FAM171A1: variants seen among roughly 807,000 people sequenced by gnomAD.
FAM171A1 encodes protein FAM171A1.
FAM171A1 carries 23 observed loss-of-function variants against 74.9 expected under a neutral mutation model. The observed-to-expected ratio is 0.31, with a 90% CI of 0.22 to 0.44. FAM171A1 has a LOEUF of 0.44. Among genes scored for constraint, FAM171A1 ranks in the 20% least tolerant of loss-of-function variants. The pLI, the probability that FAM171A1 is intolerant of heterozygous loss-of-function variation, is 1.00. For synonymous variants in FAM171A1, 527 were observed against 505.7 expected (o/e 1.04, Z -0.57); for missense variants, 1,162 against 1,159.2 (o/e 1.00, Z -0.03).
At position 15,254,774 on chromosome 10, in the gene FAM171A1, G is replaced by A. The variant is rs762606953; in HGVS notation, c.524C>T (p.Pro175Leu). ...LTAFLTAASS[P>L]SEVDSFPYLR... ...ATAAGGAAAACTGTCCACCTCCGAA[G>A]GGGAGCTGGCGGCCGTGAGAAACGC... Residue 175 changes from proline (P) to leucine (L), a missense_variant, in exon 4 of 8, where the codon CCT becomes CTT. Transcript: ENST00000378116. The A allele has an allele frequency of 3.1e-6, 5 of 1,614,174 alleles. No homozygotes were observed. In the South Asian group the frequency reaches 5.5e-5, roughly 18 times the overall value.
In FAM171A1 at chr10:15,214,100, A is replaced by G; in HGVS notation, c.1488T>C (p.Pro496=). The change falls in exon 8 of 8, where the codon CCT becomes CCC. Residue 496 remains proline, a synonymous_variant. Coordinates refer to ENST00000378116, the MANE Select transcript of FAM171A1 (RefSeq NM_001010924.2). ...RGSYNTVLSQ[P]LFEKQDREGP... The stretch of plus-strand genomic sequence containing the variant: ...CTTCTCTGTCCTGCTTTTCAAATAA[A>G]GGCTGTGAGAGCACGGTGTTGTAAC... The G allele has an allele frequency of 6.2e-7, 1 of 1,614,152 alleles. No homozygotes were observed. The highest frequency in any genetic ancestry group is 8.5e-7 in the Non-Finnish European group (1 of 1,180,010).
At position 15,213,289 on chromosome 10, in the gene FAM171A1, G is replaced by A; in HGVS notation, c.2299C>T (p.Pro767Ser). The change falls in exon 8 of 8, where the codon CCG becomes TCG. Residue 767 changes from proline to serine, a missense_variant. Transcript: ENST00000378116. This position sits in a 1 kb window ranked among gnomAD's most constrained non-coding sequence, Gnocchi z 6.8. ...TTCTGCTGGTGCTCTTGGACGGGCG[G>A]GTAGTTCTGCTGCAGAGACAAAGCA... ...GDALSLQQNY[P>S]PVQEHQQKEP... 2.5e-6 allele frequency: 4 copies of A among 1,614,080 alleles called. No individual in the cohort carries two copies. Among genetic ancestry groups the A allele is most frequent in the Non-Finnish European group, 3.4e-6 (4 of 1,180,022 alleles).
At chr10:15,364,681 C>T (rs925200683) in intron 1 of FAM171A1, among the ~76,000 whole-genome samples, 1 of 152,202 alleles carries the variant, frequency 6.6e-6, no homozygotes, top group Non-Finnish European at 1.5e-5. Flanking sequence ...TGGGCTAAAG[C>T]CAAGATGTCA....
At chr10:15,308,137 C>T (rs1835319289) in intron 1 of FAM171A1, among the ~76,000 whole-genome samples, 1 of 152,146 alleles carries the variant, frequency 6.6e-6, no homozygotes, top group South Asian at 2.1e-4. Flanking sequence ...AAGTGTTAAA[C>T]AATGTTGTCA....
chr10:15,295,089 TTTTA>T (rs1835145171), intron 1 of FAM171A1, among the ~76,000 whole-genome samples: 1 of 152,114 alleles, frequency 6.6e-6, no homozygotes, highest in African/African-American at 2.4e-5. Flanking sequence ...CTAACTTATT[TTTTA>T]TTTATTTTTA....
rs575964777 is a variant in FAM171A1, at chr10:15,233,484, T to C, written c.755-12424A>G. ...AGCCAGACACTTCTGTGGAAGCTTC[T>C]AGTGAAGGACATTCTGCACATGCCG... On this transcript the variant is annotated intron_variant, in intron 5 of 7. Transcript: ENST00000378116. 3.5e-3 allele frequency among the ~76,000 whole-genome samples: 527 copies of C among 151,552 alleles called. 1 individual carries two copies. Among genetic ancestry groups the C allele is most frequent in the Non-Finnish European group, 5.5e-3 (374 of 67,884 alleles).
intron 3 of FAM171A1, among the ~76,000 whole-genome samples, chr10:15,259,427 A>C (rs1834627225): frequency 6.6e-6 from 1 of 152,156 alleles, no homozygotes; most frequent in South Asian, 2.1e-4. Flanking sequence ...GATCTCTCCC[A>C]CTTACCAAAT....
At chr10:15,268,005 A>G (rs886489362) in intron 3 of FAM171A1, among the ~76,000 whole-genome samples, 2 of 152,180 alleles carry the variant, frequency 1.3e-5, no homozygotes, top group African/African-American at 4.8e-5. Context: ...AGAAGACAAG[A>G]GGCCGACAGT....
At chr10:15,263,535 A>C (rs1385781192) in intron 3 of FAM171A1, among the ~76,000 whole-genome samples, 1 of 152,216 alleles carries the variant, frequency 6.6e-6, no homozygotes, top group Middle Eastern at 3.2e-3. Context: ...GCATTTTCAG[A>C]TATAGTCTAC....
At chr10:15,288,488 A>G (rs955500141) in intron 1 of FAM171A1, among the ~76,000 whole-genome samples, 2 of 152,230 alleles carry the variant, frequency 1.3e-5, no homozygotes, top group African/African-American at 4.8e-5. Context: ...CTCATGGTGC[A>G]TTAATAACCA....
At chr10:15,364,979 CCA>C (rs1412554181) in intron 1 of FAM171A1, among the ~76,000 whole-genome samples, 3 of 152,098 alleles carry the variant, frequency 2.0e-5, no homozygotes, top group African/African-American at 7.2e-5. Flanking sequence ...AATCACTTGG[CCA>C]CAGTCTTTAG....
intron 1 of FAM171A1, among the ~76,000 whole-genome samples, chr10:15,314,637 A>G (rs1835401537): frequency 6.6e-6 from 1 of 152,216 alleles, no homozygotes; most frequent in African/African-American, 2.4e-5. Context: ...GGAATGCTGC[A>G]GTTTTCTGCA....
At position 15,285,152 on chromosome 10, in the gene FAM171A1, C is replaced by T. The variant is rs118052687; in HGVS notation, c.98-1047G>A. Reference sequence around the variant, plus strand: ...CACAGCTACAGTGAAGGAGAGGATGCGTGAGTAAACAGGAAAGTACCATGG... The same window carrying T: ...CACAGCTACAGTGAAGGAGAGGATGTGTGAGTAAACAGGAAAGTACCATGG... On this transcript the variant is annotated intron_variant, in intron 1 of 7. Transcript: ENST00000378116. Among the ~76,000 whole-genome samples, 72 of 152,186 alleles carry T rather than the reference C, an allele frequency of 4.7e-4. 1 individual carries two copies. In the East Asian group the frequency reaches 0.011, roughly 22 times the overall value.
At position 15,331,374 on chromosome 10, in the gene FAM171A1, T is replaced by C. The variant is rs142753686; in HGVS notation, c.97+39582A>G. Among the ~76,000 whole-genome samples the C allele has an allele frequency of 8.8e-3, 1,342 of 152,208 alleles. 8 individuals carry two copies. Among genetic ancestry groups the C allele is most frequent in the Non-Finnish European group, 0.014 (964 of 68,026 alleles). ...AGTCAGAAGTTGGAAGACCCCGGTC[T>C]TCTAACTGAATTTCAAAAGACGTTT... On this transcript the variant is annotated intron_variant, in intron 1 of 7. Transcript: ENST00000378116.
chr10:15,312,716 A>G (rs1835378323), intron 1 of FAM171A1, among the ~76,000 whole-genome samples: 3 of 20,970 alleles, frequency 1.4e-4, no homozygotes, highest in South Asian at 3.4e-3. Context: ...TTTTTTTTTG[A>G]GACGATATTT....
intron 1 of FAM171A1, among the ~76,000 whole-genome samples, chr10:15,291,749 C>T (rs1450799627): frequency 6.6e-6 from 1 of 152,120 alleles, no homozygotes; most frequent in Non-Finnish European, 1.5e-5. Flanking sequence ...TAAACTTTCC[C>T]CATTCAGGGA....
At chr10:15,222,127 C>T (rs1179793305) in intron 5 of FAM171A1, among the ~76,000 whole-genome samples, 1 of 152,202 alleles carries the variant, frequency 6.6e-6, no homozygotes, top group Non-Finnish European at 1.5e-5. Context: ...GACCTATCAG[C>T]ATGGAGATGT....
chr10:15,234,738 T>C (rs1834259687), intron 5 of FAM171A1, among the ~76,000 whole-genome samples: 1 of 151,938 alleles, frequency 6.6e-6, no homozygotes, highest in Non-Finnish European at 1.5e-5. Context: ...CTGCAAGCTC[T>C]GCCTCTGGGG....
At chr10:15,330,462 C>T (rs1045385930) in intron 1 of FAM171A1, among the ~76,000 whole-genome samples, 4 of 152,100 alleles carry the variant, frequency 2.6e-5, no homozygotes, top group African/African-American at 9.7e-5. Context: ...ATGTGACAGT[C>T]AAGGGCAGAG....
Sources: allele counts gnomAD v4.1 joint callset (sites outside exome capture counted in the v4.1 genomes callset), GRCh38; gene constraint gnomAD v4.1.1; non-coding constraint Gnocchi (gnomAD v3.1); transcripts MANE v1.5; gene names NCBI Gene and HGNC (gene_info 2026-07-23, HGNC 2026-07-21).